The following ELP2 variants were observed in gnomAD, a reference collection of about 807,000 sequenced individuals.
ELP2 encodes the protein elongator acetyltransferase complex subunit 2, also known as elongator complex protein 2.
A neutral mutation model predicts 119.2 loss-of-function variants in ELP2; 90 were observed. The observed-to-expected ratio is 0.75, with a 90% CI of 0.64 to 0.90. The LOEUF is 0.90. Ranked by LOEUF, ELP2 falls within the 40% of genes least tolerant of loss-of-function variation. ELP2 has a pLI of 0.00. For missense variants in ELP2, 921 were observed against 967.8 expected, an observed-to-expected ratio of 0.95 and a Z score of 0.64; for synonymous variants, 339 against 331.0, an observed-to-expected ratio of 1.02 and a Z score of -0.26.
intron 13 of ELP2, chr18:36,158,632 G>A: frequency 1.9e-6 from 1 of 515,488 alleles, no homozygotes. Flanking sequence ...TTGTCTGTTG[G>A]AGAGTGATTG....
At chr18:36,154,311 A>G (rs1414747261) in intron 11 of ELP2, among the ~76,000 whole-genome samples, 1 of 152,132 alleles carries the variant, frequency 6.6e-6, no homozygotes, top group Non-Finnish European at 1.5e-5. Context: ...AGGTGAACCA[A>G]CTAGGTTTGA....
chr18:36,149,313 GT>G (rs1324888749), intron 11 of ELP2, among the ~76,000 whole-genome samples: 1 of 152,090 alleles, frequency 6.6e-6, no homozygotes, highest in Non-Finnish European at 1.5e-5. Flanking sequence ...ATAAGGTTAG[GT>G]AGGTGCAGAA....
chr18:36,141,401 C>T, intron 6 of ELP2, 200 bp downstream of exon 6: 1 of 588,590 alleles, frequency 1.7e-6, no homozygotes, highest in Non-Finnish European at 3.1e-6. Flanking sequence ...CCATCAGGCT[C>T]AGAGTTGTTA....
At chr18:36,144,906 G>A (rs1388997812) in intron 8 of ELP2, 33 bp from the exon 9 acceptor site, 9 of 1,530,766 alleles carry the variant, frequency 5.9e-6, no homozygotes, top group Non-Finnish European at 8.1e-6. Context: ...GAAGAGCTTT[G>A]AGGAAATAAT....
At chr18:36,164,190 C>G (rs1354521660) in intron 17 of ELP2, among the ~76,000 whole-genome samples, 1 of 151,644 alleles carries the variant, frequency 6.6e-6, no homozygotes, top group Non-Finnish European at 1.5e-5. Context: ...CAGTTTTGAT[C>G]ATGGAATAAT....
At chr18:36,131,266 T>G (rs2144546219) in intron 1 of ELP2, among the ~76,000 whole-genome samples, 1 of 152,358 alleles carries the variant, frequency 6.6e-6, no homozygotes, top group African/African-American at 2.4e-5. Context: ...GCTTGCCTCT[T>G]CCTGGTTTTT....
intron 5 of ELP2, chr18:36,139,291 C>A: frequency 1.2e-6 from 1 of 850,090 alleles, no homozygotes; most frequent in Non-Finnish European, 1.8e-6. Flanking sequence ...ACATTTTGCC[C>A]AAGACCACTT....
chr18:36,142,781 C>T, intron 7 of ELP2, 45 bp from the exon 8 acceptor site: 1 of 1,349,076 alleles, frequency 7.4e-7, no homozygotes, highest in Non-Finnish European at 1.0e-6. Context: ...ACATAAACTT[C>T]ACAATATAAT....
rs115079558 is a variant in ELP2, at chr18:36,162,144, C to G, written c.1761+1140C>G. On this transcript the variant is annotated intron_variant, in intron 17 of 21. Coordinates refer to ENST00000358232, the MANE Select transcript of ELP2 (RefSeq NM_018255.4). ...TCCCTGTATAAATCATCACTACAAT[C>G]AAGATACTGTGTATATCCATCAACC... 2.8e-3 allele frequency among the ~76,000 whole-genome samples: 433 copies of G among 152,266 alleles called. 4 individuals are homozygous for G. The highest frequency in any genetic ancestry group is 0.01 in the African/African-American group (416 of 41,552).
intron 11 of ELP2, among the ~76,000 whole-genome samples, chr18:36,147,308 T>C (rs1042839157): frequency 1.3e-5 from 2 of 152,056 alleles, no homozygotes; most frequent in African/African-American, 4.8e-5. Flanking sequence ...AACTCCTGGC[T>C]TCAAGTGATC....
intron 7 of ELP2, 120 bp downstream of exon 7, chr18:36,142,467 C>G: frequency 1.2e-6 from 1 of 822,328 alleles, no homozygotes; most frequent in South Asian, 1.4e-5. Context: ...TTTCTATTGT[C>G]CCAATTAGAA....
intron 1 of ELP2, among the ~76,000 whole-genome samples, chr18:36,130,889 C>T (rs1273304286): frequency 6.6e-6 from 1 of 152,086 alleles, no homozygotes; most frequent in Non-Finnish European, 1.5e-5. Context: ...TCATTATTGG[C>T]CAGGAGCGTG....
Position 36,170,120 on chromosome 18 carries a change from C to T in ELP2, c.2134C>T (p.Pro712Ser). The stretch of plus-strand genomic sequence containing the variant: ...TGACTGTATTGAGCACAACATTGGC[C>T]CCTGCTCCTCAGTCCTGGACGTGGG... ...TDDCIEHNIG[P>S]CSSVLDVGGA... is the part of the protein sequence containing the mutation. The change falls in exon 20 of 22, where the codon CCC becomes TCC. Residue 712 changes from proline to serine, a missense_variant. Pro to Ser is a moderately conservative substitution (Grantham distance 74). Coordinates refer to ENST00000358232, the MANE Select transcript of ELP2 (RefSeq NM_018255.4). 3.1e-6 allele frequency: 5 copies of T among 1,614,006 alleles called. No individual in the cohort carries two copies. Among genetic ancestry groups the T allele is most frequent in the Non-Finnish European group, 4.2e-6 (5 of 1,180,006 alleles).
At position 36,174,623 on chromosome 18, in the gene ELP2, CAATA is replaced by C. The variant is rs879609048; in HGVS notation, c.2467_2470del (p.Lys823ValfsTer30). The C allele has an allele frequency of 3.7e-6, 6 of 1,613,896 alleles. No homozygotes were observed. The highest frequency in any genetic ancestry group is 1.7e-5 in the Admixed American group (1 of 60,000). On this transcript the variant is annotated frameshift_variant, in exon 22 of 22. Coordinates refer to ENST00000358232, the MANE Select transcript of ELP2 (RefSeq NM_018255.4). LOFTEE classifies it high-confidence loss of function. The stretch of plus-strand genomic sequence containing the variant: ...ATCACACTGTGAAGATACACAGAGT[CAATA>C]AATGTGCACTGTAATGGACTTAATA...
chr18:36,134,381 A>G (rs924056455), intron 2 of ELP2, among the ~76,000 whole-genome samples: 5 of 152,204 alleles, frequency 3.3e-5, no homozygotes, highest in African/African-American at 1.2e-4. Context: ...AGAAGCAGAT[A>G]TGAAAATCCA....
chr18:36,167,279 A>G, intron 19 of ELP2, 57 bp downstream of exon 19: 1 of 1,330,784 alleles, frequency 7.5e-7, no homozygotes, highest in South Asian at 1.5e-5. Context: ...TTTTATAGGT[A>G]TGTTTGAATA....
chr18:36,138,078 T>G (rs898249173), intron 3 of ELP2, 192 bp from the exon 4 acceptor site: 6 of 574,382 alleles, frequency 1.0e-5, no homozygotes, highest in African/African-American at 3.8e-5. Context: ...TTCCTAGATA[T>G]GAGATTGCTG....
At chr18:36,149,612 C>T (rs757086281) in intron 11 of ELP2, among the ~76,000 whole-genome samples, 1 of 148,426 alleles carries the variant, frequency 6.7e-6, no homozygotes, top group East Asian at 2.0e-4. Context: ...TTTTTTGAGG[C>T]GATTTGGGGA....
At chr18:36,145,807 G>T in intron 9 of ELP2, 141 bp from the exon 10 acceptor site, 1 of 759,108 alleles carries the variant, frequency 1.3e-6, no homozygotes, top group Non-Finnish European at 2.4e-6. Flanking sequence ...GTAGACATTT[G>T]TGGTGTTTGC....
Sources: allele counts gnomAD v4.1 joint callset (sites outside exome capture counted in the v4.1 genomes callset), GRCh38; gene constraint gnomAD v4.1.1; transcripts MANE v1.5; gene names NCBI Gene and HGNC (gene_info 2026-07-23, HGNC 2026-07-21).